RMST: variants seen among roughly 807,000 people sequenced by gnomAD.
The protein encoded by RMST is rhabdomyosarcoma 2 associated transcript, also known as long intergenic non-protein coding RNA 54.
chr12:97,554,910 G>A (rs1448578383), intron 11 of RMST, among the ~76,000 whole-genome samples: 3 of 152,168 alleles, frequency 2.0e-5, no homozygotes, highest in African/African-American at 7.2e-5. Context: ...ATCTTCATGG[G>A]GCTGGCATGT....
intron 10 of RMST, among the ~76,000 whole-genome samples, chr12:97,511,408 C>T (rs982689121): frequency 6.6e-6 from 1 of 152,140 alleles, no homozygotes; most frequent in Non-Finnish European, 1.5e-5. Flanking sequence ...CTCGGCCTCC[C>T]AAAGTGCATG....
At chr12:97,489,740 G>C (rs1354999833) in intron 5 of RMST, among the ~76,000 whole-genome samples, 1 of 152,182 alleles carries the variant, frequency 6.6e-6, no homozygotes, top group East Asian at 1.9e-4. Context: ...CTGAAGGCTA[G>C]TCTATATAAA....
intron 5 of RMST, among the ~76,000 whole-genome samples, chr12:97,483,054 A>G (rs1439970901): frequency 6.6e-6 from 1 of 152,068 alleles, no homozygotes; most frequent in Non-Finnish European, 1.5e-5. Flanking sequence ...GAATGAATGA[A>G]TGACTAGGCC....
chr12:97,467,141 T>G (rs1332397312), intron 5 of RMST, among the ~76,000 whole-genome samples: 3 of 152,000 alleles, frequency 2.0e-5, no homozygotes, highest in Non-Finnish European at 4.4e-5. Context: ...GACTAAGAAA[T>G]AAAAAGTGCA....
rs186223077 is a variant in RMST, at chr12:97,556,128, T to G, written n.1546-4409T>G. 7.2e-5 allele frequency among the ~76,000 whole-genome samples: 11 copies of G among 152,292 alleles called. No homozygotes were observed. The East Asian group carries it at 1.9e-3, about 27-fold the overall frequency. ...GTCTTTGAGAAGCCCTGGTTGAACT[T>G]AATTAGCTTTTAAATTTCATCCCAT... On this transcript the variant is annotated intron_variant and non_coding_transcript_variant, in intron 11 of 13. Transcript: ENST00000640149.
At chr12:97,472,000 C>A (rs1873973064) in intron 5 of RMST, among the ~76,000 whole-genome samples, 1 of 152,072 alleles carries the variant, frequency 6.6e-6, no homozygotes, top group East Asian at 1.9e-4. Context: ...ATGCCAAATT[C>A]ATAGCTCACT....
intron 10 of RMST, among the ~76,000 whole-genome samples, chr12:97,496,426 G>C (rs116399031): frequency 6.6e-6 from 1 of 152,038 alleles, no homozygotes; most frequent in African/African-American, 2.4e-5. Context: ...AAATATACAT[G>C]TTTGTGAAGT....
chr12:97,514,655 G>A (rs1337392980), intron 10 of RMST, among the ~76,000 whole-genome samples: 2 of 149,606 alleles, frequency 1.3e-5, no homozygotes, highest in Non-Finnish European at 2.9e-5. Context: ...GTTCATTCTT[G>A]GAAAGTATAT....
intron 10 of RMST, among the ~76,000 whole-genome samples, chr12:97,500,081 A>G (rs1477168809): frequency 1.3e-5 from 2 of 152,088 alleles, no homozygotes; most frequent in African/African-American, 4.8e-5. Context: ...ATCTTTTGAC[A>G]TTTTTCCCCA....
intron 10 of RMST, among the ~76,000 whole-genome samples, chr12:97,501,333 C>A (rs915649561): frequency 2.0e-5 from 3 of 152,026 alleles, no homozygotes; most frequent in African/African-American, 7.3e-5. Context: ...TAACAATATA[C>A]CCACAGGAAT....
At chr12:97,540,967 T>C (rs1363582330) in intron 11 of RMST, among the ~76,000 whole-genome samples, 1 of 150,982 alleles carries the variant, frequency 6.6e-6, no homozygotes, top group African/African-American at 2.4e-5. Context: ...GATATAGATA[T>C]AGATATAGAT....
intron 10 of RMST, among the ~76,000 whole-genome samples, chr12:97,500,726 C>T (rs1338580353): frequency 6.6e-6 from 1 of 152,128 alleles, no homozygotes; most frequent in Non-Finnish European, 1.5e-5. Flanking sequence ...AATAACTTGT[C>T]CACATAGCTC....
At chr12:97,522,987 A>T (rs1332529727) in intron 10 of RMST, among the ~76,000 whole-genome samples, 1 of 152,202 alleles carries the variant, frequency 6.6e-6, no homozygotes, top group East Asian at 1.9e-4. Flanking sequence ...ATAGGCAAAT[A>T]ATAATGGAAA....
intron 5 of RMST, among the ~76,000 whole-genome samples, chr12:97,492,304 T>C (rs1359893130): frequency 6.6e-6 from 1 of 152,218 alleles, no homozygotes; most frequent in East Asian, 1.9e-4. Context: ...CATGGTCCTG[T>C]CACTTTTAAC....
In RMST at chr12:97,487,922, TG is replaced by T. The variant is rs1356988047; in HGVS notation, n.645-4538del. Among the ~76,000 whole-genome samples, 8 of 152,358 alleles carry T rather than the reference TG, an allele frequency of 5.3e-5. No individual in the cohort carries two copies. The South Asian group carries it at 6.2e-4, about 12-fold the overall frequency. The stretch of plus-strand genomic sequence containing the variant: ...TTTCCTCCTAATCAGTTAATTGCTA[TG>T]AAGAATTTATTTCTTCTCTAACACT... On this transcript the variant is annotated intron_variant and non_coding_transcript_variant, in intron 5 of 13. Transcript: ENST00000640149.
chr12:97,511,505 C>T (rs1879294085), intron 10 of RMST, among the ~76,000 whole-genome samples: 1 of 151,994 alleles, frequency 6.6e-6, no homozygotes, highest in Non-Finnish European at 1.5e-5. Flanking sequence ...GCTATTTTTT[C>T]CTTTCATATT....
chr12:97,560,545 T>G (rs955191445), exon 12 of RMST: 1 of 152,224 alleles, frequency 6.6e-6, no homozygotes, highest in Admixed American at 6.5e-5. Flanking sequence ...AGGAGGCTAA[T>G]AATGAAGGGG....
At chr12:97,514,706 C>T (rs942288852) in intron 10 of RMST, among the ~76,000 whole-genome samples, 2 of 150,942 alleles carry the variant, frequency 1.3e-5, no homozygotes, top group Non-Finnish European at 3.0e-5. Context: ...ATACCATTTT[C>T]ATGACAATAA....
At chr12:97,471,571 G>T (rs1873919529) in intron 5 of RMST, among the ~76,000 whole-genome samples, 1 of 152,124 alleles carries the variant, frequency 6.6e-6, no homozygotes, top group Admixed American at 6.6e-5. Flanking sequence ...ATGCTGTGTT[G>T]ATGTCGGTAA....
Sources: gnomAD v4.1 joint callset for allele counts (sites outside exome capture counted in the v4.1 genomes callset) on GRCh38, gnomAD v4.1.1 for gene constraint, MANE v1.5 for transcripts, NCBI Gene and HGNC (gene_info 2026-07-23, HGNC 2026-07-21) for gene names.